Variants in DYNC1LI1 observed in about 807,000 individuals in gnomAD.
DYNC1LI1 encodes dynein cytoplasmic 1 light intermediate chain 1.
DYNC1LI1 carries 19 observed loss-of-function variants against 63.8 expected under a neutral mutation model. The ratio of observed to expected loss-of-function variants is 0.30; its 90% CI spans 0.21 to 0.44. The LOEUF (loss-of-function observed/expected upper bound fraction) is 0.44. Among genes scored for constraint, DYNC1LI1 ranks in the 20% least tolerant of loss-of-function variants. The pLI is 1.00. For synonymous variants in DYNC1LI1, 225 were observed against 232.3 expected (o/e 0.97, Z 0.28); for missense variants, 565 against 630.2 (o/e 0.90, Z 1.11).
intron 6 of DYNC1LI1, among the ~76,000 whole-genome samples, chr3:32,536,453 T>A (rs1165531203): frequency 2.0e-5 from 3 of 152,172 alleles, no homozygotes; most frequent in Non-Finnish European, 4.4e-5. Flanking sequence ...ACTCACTGGC[T>A]CACCTAATCC....
chr3:32,546,654 C>T (rs565307182), intron 2 of DYNC1LI1, among the ~76,000 whole-genome samples: 1 of 152,262 alleles, frequency 6.6e-6, no homozygotes, highest in African/African-American at 2.4e-5. Context: ...GGTAAAGACT[C>T]TTAATTGGCC....
intron 2 of DYNC1LI1, among the ~76,000 whole-genome samples, chr3:32,551,543 T>A (rs1271681604): frequency 6.6e-6 from 1 of 151,880 alleles, no homozygotes; most frequent in Non-Finnish European, 1.5e-5. Context: ...TTAGAAAGAG[T>A]GCTATGGAAA....
rs1376796685 is a variant in DYNC1LI1 at position 32,567,525 on chromosome 3, AT to A, written c.220+2820del. Among the ~76,000 whole-genome samples the A allele has an allele frequency of 3.5e-3, 463 of 132,750 alleles. 3 individuals carry two copies. Among genetic ancestry groups the A allele is most frequent in the African/African-American group, 0.013 (437 of 34,874 alleles). The allele number at this position is 132,750 out of a possible 152,430, so 87.1% of individuals were successfully genotyped here. A position where few individuals can be genotyped will look rare whatever the true frequency, so the allele number is the denominator to read the frequency against. On this transcript the variant is annotated intron_variant, in intron 2 of 12. Transcript: ENST00000273130. ...GTCATAGGCTCAGATTTGGTTTTTT[AT>A]TTTATTTATTATTATTATTATTATT... is the stretch of plus-strand genomic sequence containing the variant.
intron 4 of DYNC1LI1, among the ~76,000 whole-genome samples, chr3:32,542,787 T>C (rs1697899928): frequency 6.6e-6 from 1 of 152,254 alleles, no homozygotes; most frequent in Non-Finnish European, 1.5e-5. Flanking sequence ...AAAGTAATTA[T>C]GAGCCAGATC....
intron 2 of DYNC1LI1, among the ~76,000 whole-genome samples, chr3:32,563,371 A>G (rs974582214): frequency 6.7e-6 from 1 of 150,188 alleles, no homozygotes; most frequent in African/African-American, 2.5e-5. Context: ...GCTCACTGCA[A>G]CCTCCATCTC....
At position 32,530,212 on chromosome 3, in the gene DYNC1LI1, A is replaced by C; in HGVS notation, c.1185+72T>G. On this transcript the variant is annotated intron_variant, in intron 10 of 12. Coordinates refer to ENST00000273130, the MANE Select transcript of DYNC1LI1 (RefSeq NM_016141.4). Reference sequence around the variant, plus strand: ...AAGCACACCCATATGAAATATGTACATAATTAATAAAAAATAACTAAAATA... The same window carrying C: ...AAGCACACCCATATGAAATATGTACCTAATTAATAAAAAATAACTAAAATA... The C allele has an allele frequency of 9.6e-6, 12 of 1,255,664 alleles. 1 individual carries two copies. The South Asian group carries it at 1.8e-4, about 18-fold the overall frequency. 77.8% of individuals were successfully genotyped at this position (1,255,664 alleles called of 1,614,324 possible). A position where few individuals can be genotyped will look rare whatever the true frequency, so the allele number is the denominator to read the frequency against.
chr3:32,559,647 T>C (rs1202355159), intron 2 of DYNC1LI1, among the ~76,000 whole-genome samples: 1 of 152,200 alleles, frequency 6.6e-6, no homozygotes, highest in African/African-American at 2.4e-5. Context: ...AATACTTTAA[T>C]GATAATAGCT....
chr3:32,540,599 T>G (rs1214366000), intron 5 of DYNC1LI1, among the ~76,000 whole-genome samples: 1 of 151,698 alleles, frequency 6.6e-6, no homozygotes, highest in African/African-American at 2.4e-5. Context: ...GAGAATTGCT[T>G]TAACCCGGGA....
intron 6 of DYNC1LI1, 146 bp downstream of exon 6, chr3:32,536,865 G>A (rs1235334737): frequency 1.8e-6 from 1 of 552,472 alleles, no homozygotes; most frequent in Non-Finnish European, 3.2e-6. Context: ...TAAATAATTT[G>A]GGAACTAAAA....
At chr3:32,566,029 G>A (rs990687539) in intron 2 of DYNC1LI1, among the ~76,000 whole-genome samples, 1 of 152,198 alleles carries the variant, frequency 6.6e-6, no homozygotes, top group Non-Finnish European at 1.5e-5. Context: ...AATACTTTGG[G>A]AGACTGAGGT....
In DYNC1LI1 at chr3:32,570,838, A is replaced by AGGCGGC; in HGVS notation, c.-74_-69dup. The AGGCGGC allele has an allele frequency of 6.8e-7, 1 of 1,466,966 alleles. No homozygotes were observed. Among genetic ancestry groups the AGGCGGC allele is most frequent in the South Asian group, 1.3e-5 (1 of 74,542 alleles). The allele number at this position is 1,466,966 out of a possible 1,614,324, so 90.9% of individuals were successfully genotyped here. ...GAGGCGGCTGAGGCGGTGGCGGTGGAGGCGGCGGGAACCCGGATATGGGGC... is the reference window on the plus strand; with the variant it reads ...GAGGCGGCTGAGGCGGTGGCGGTGGAGGCGGCGGCGGCGGGAACCCGGATATGGGGC... On this transcript the variant is annotated 5_prime_UTR_variant, in exon 1 of 13. Transcript: ENST00000273130.
intron 2 of DYNC1LI1, among the ~76,000 whole-genome samples, chr3:32,553,808 C>A (rs561482355): frequency 6.6e-6 from 1 of 152,220 alleles, no homozygotes; most frequent in African/African-American, 2.4e-5. Context: ...CAAGTTCACA[C>A]AGGTAGGAAA....
chr3:32,544,994 A>C lies in DYNC1LI1; in HGVS notation c.450T>G (p.Val150=), dbSNP rs781339990. ...AAGCAGTCCAAGGCTTTGACATGTC[A>C]ACAACCAGCATAACTAGAGTATCCT... ...SLKDTLVMLV[V]DMSKPWTALD... Residue 150 remains valine (V), a synonymous_variant, in exon 4 of 13, where the codon GTT becomes GTG. Transcript: ENST00000273130. The C allele has an allele frequency of 6.2e-7, 1 of 1,614,106 alleles. No individual in the cohort carries two copies. The highest frequency in any genetic ancestry group is 1.7e-5 in the Admixed American group (1 of 60,026).
At chr3:32,544,718 G>A (rs576907774) in intron 4 of DYNC1LI1, among the ~76,000 whole-genome samples, 158 bp downstream of exon 4, 2 of 151,472 alleles carry the variant, frequency 1.3e-5, no homozygotes, top group Non-Finnish European at 2.9e-5. Context: ...CTCCAGCCTG[G>A]GTGACAGAAC....
At position 32,528,562 on chromosome 3, in the gene DYNC1LI1, T is replaced by C. The variant is rs756143264; in HGVS notation, c.1346A>G (p.Asn449Ser). 68 of 1,613,076 alleles carry C rather than the reference T, an allele frequency of 4.2e-5. No individual in the cohort carries two copies. The highest frequency in any genetic ancestry group is 6.7e-5 in the Admixed American group (4 of 59,900). The change falls in exon 12 of 13, where the codon AAC becomes AGC. Residue 449 changes from asparagine to serine, a missense_variant. Transcript: ENST00000273130. ...TSEGVLANFFNSLLSKKTGSP... is the reference protein window; with the variant it reads ...TSEGVLANFFSSLLSKKTGSP... ...GCCAGTCTTTTTACTCAACAAACTG[T>C]TGAAGAAATTTGCCAGAACGCCTTC... is the stretch of plus-strand genomic sequence containing the variant.
Position 32,526,213 on chromosome 3 carries a change from A to G in DYNC1LI1, c.*586T>C, listed in dbSNP as rs1404042479. ...ACCTTGGCCAATATTTCTAAATCAT[A>G]TTTTGATGACAACTTACAGGATCAG... On this transcript the variant is annotated 3_prime_UTR_variant, in exon 13 of 13. Coordinates refer to ENST00000273130, the MANE Select transcript of DYNC1LI1 (RefSeq NM_016141.4). The G allele has an allele frequency of 6.6e-6, 1 of 152,562 alleles. No homozygotes were observed. The highest frequency in any genetic ancestry group is 1.5e-5 in the Non-Finnish European group (1 of 68,030). 9.5% of individuals were successfully genotyped at this position (152,562 alleles called of 1,614,324 possible). A position where few individuals can be genotyped will look rare whatever the true frequency, so the allele number is the denominator to read the frequency against.
Position 32,528,476 on chromosome 3 carries a change from T to TGC in DYNC1LI1, c.1430_1431dup (p.Ser478AlafsTer17). On this transcript the variant is annotated frameshift_variant, in exon 12 of 13. Transcript: ENST00000273130. LOFTEE classifies it high-confidence loss of function. ...TTTTTGGTGGATGGTGGTAAACCAC[T>TGC]GCTTCCACCTCCAGCCCCACCTGCA... 6.2e-7 allele frequency: 1 copy of TGC among 1,614,204 alleles called. No homozygotes were observed. The highest frequency in any genetic ancestry group is 8.5e-7 in the Non-Finnish European group (1 of 1,180,034).
chr3:32,552,068 T>C (rs1259399530), intron 2 of DYNC1LI1, among the ~76,000 whole-genome samples: 2 of 152,166 alleles, frequency 1.3e-5, no homozygotes, highest in Admixed American at 6.5e-5. Context: ...ATCTTGCCAC[T>C]TCCCCCAAAA....
chr3:32,563,422 G>A (rs1698218998), intron 2 of DYNC1LI1, among the ~76,000 whole-genome samples: 2 of 151,718 alleles, frequency 1.3e-5, no homozygotes, highest in Admixed American at 1.3e-4. Context: ...CTCTCGAGTG[G>A]CTGGGATTAC....
Sources: gnomAD v4.1 joint callset for allele counts (sites outside exome capture counted in the v4.1 genomes callset) on GRCh38, gnomAD v4.1.1 for gene constraint, MANE v1.5 for transcripts, NCBI Gene and HGNC (gene_info 2026-07-23, HGNC 2026-07-21) for gene names.